The following SLC16A2 variants were observed in gnomAD, a reference collection of about 807,000 sequenced individuals.
SLC16A2 encodes the protein solute carrier family 16 member 2, also known as monocarboxylate transporter 8.
SLC16A2 carries 3 observed loss-of-function variants against 27.2 expected under a neutral mutation model. The ratio of observed to expected loss-of-function variants is 0.11; its 90% CI spans 0.05 to 0.28. The LOEUF (loss-of-function observed/expected upper bound fraction) is 0.28. SLC16A2 is among the 10% of genes least tolerant of loss of function. The pLI, the probability that SLC16A2 is intolerant of heterozygous loss-of-function variation, is 1.00. For missense variants in SLC16A2, 295 were observed against 458.5 expected (o/e 0.64, Z 3.26); for synonymous variants, 202 against 187.8 (o/e 1.08, Z -0.62).
intron 1 of SLC16A2, among the ~76,000 whole-genome samples, chrX:74,461,979 A>G (rs770120744): frequency 9.0e-6 from 1 of 111,074 alleles, no homozygotes; most frequent in Non-Finnish European, 1.9e-5. Flanking sequence ...ATTTCATTGG[A>G]GTGTCTCCTC....
intron 1 of SLC16A2, among the ~76,000 whole-genome samples, chrX:74,475,230 G>C (rs1173553712): frequency 9.1e-6 from 1 of 110,024 alleles, no homozygotes; most frequent in African/African-American, 3.3e-5. Context: ...CTGATGGCCA[G>C]TGATGATGAG....
At position 74,533,112 on chromosome X, in the gene SLC16A2, A is replaced by G. The variant is rs1930596262; in HGVS notation, c.*1559A>G. 1 of 111,919 alleles carries G rather than the reference A, an allele frequency of 8.9e-6. No homozygotes were observed. The highest frequency in any genetic ancestry group is 3.8e-4 in the South Asian group (1 of 2,637). 9.2% of individuals were successfully genotyped at this position (111,919 alleles called of 1,213,427 possible). On this transcript the variant is annotated 3_prime_UTR_variant, in exon 6 of 6. Transcript: ENST00000587091. Reference sequence around the variant, plus strand: ...CCCTTTCATCATCTTTTTGCCAGGCATTCCTGGCTGTCACTTGGAGCCAAC... The same window carrying G: ...CCCTTTCATCATCTTTTTGCCAGGCGTTCCTGGCTGTCACTTGGAGCCAAC...
chrX:74,495,456 G>T (rs1384172251), intron 1 of SLC16A2, among the ~76,000 whole-genome samples: 1 of 108,575 alleles, frequency 9.2e-6, no homozygotes, highest in Non-Finnish European at 1.9e-5. Flanking sequence ...AAAGATACTC[G>T]AGAAAATCAG....
At chrX:74,461,135 A>G (rs1213431415) in intron 1 of SLC16A2, among the ~76,000 whole-genome samples, 1 of 112,067 alleles carries the variant, frequency 8.9e-6, no homozygotes, top group Non-Finnish European at 1.9e-5. Context: ...CTTTAATCTA[A>G]CTATAGTATT....
intron 1 of SLC16A2, among the ~76,000 whole-genome samples, chrX:74,488,402 T>G (rs908819456): frequency 8.9e-6 from 1 of 111,909 alleles, no homozygotes; most frequent in African/African-American, 3.2e-5. Flanking sequence ...ATTGAACCTT[T>G]GAGATGTTTA....
rs1305314755 is a variant in SLC16A2, at chrX:74,497,740, C to T, written c.431-23250C>T. Among the ~76,000 whole-genome samples, 3 of 109,184 alleles carry T rather than the reference C, an allele frequency of 2.7e-5. No homozygotes were observed. The Admixed American group carries it at 3.0e-4, about 11-fold the overall frequency. 94.8% of individuals were successfully genotyped at this position (109,184 alleles called of 115,157 possible). A position where few individuals can be genotyped will look rare whatever the true frequency, so the allele number is the denominator to read the frequency against. On this transcript the variant is annotated intron_variant, in intron 1 of 5. Transcript: ENST00000587091. ...GGCCAAAATGTTTCCTTCTTCAAAC[C>T]AGTGCCCGTGATTTAGCTTTCATTG...
chrX:74,500,971 C>T (rs954452092), intron 1 of SLC16A2, among the ~76,000 whole-genome samples: 27 of 108,796 alleles, frequency 2.5e-4, no homozygotes, highest in African/African-American at 8.4e-4. Context: ...ATGTTTCCCC[C>T]CATTTATGTG....
intron 1 of SLC16A2, among the ~76,000 whole-genome samples, chrX:74,446,984 T>C (rs1928848705): frequency 8.9e-6 from 1 of 112,255 alleles, no homozygotes; most frequent in Non-Finnish European, 1.9e-5. Context: ...CCTCCAGCCA[T>C]GCCAGACAGA....
chrX:74,453,568 A>G (rs1420908642), intron 1 of SLC16A2, among the ~76,000 whole-genome samples: 1 of 110,749 alleles, frequency 9.0e-6, no homozygotes, highest in East Asian at 2.8e-4. Flanking sequence ...AAAAACTGTT[A>G]TTTTTTATTT....
At chrX:74,512,249 G>A (rs771620600) in intron 1 of SLC16A2, among the ~76,000 whole-genome samples, 14 of 112,247 alleles carry the variant, frequency 1.2e-4, no homozygotes, top group Non-Finnish European at 2.4e-4. Context: ...GAGGTGTGGT[G>A]ATGGGGCAGA....
intron 1 of SLC16A2, among the ~76,000 whole-genome samples, chrX:74,430,063 G>C (rs1468570668): frequency 8.9e-6 from 1 of 112,168 alleles, no homozygotes; most frequent in Non-Finnish European, 1.9e-5. Flanking sequence ...TATAATAATA[G>C]TGGTGGTAGT....
At chrX:74,494,183 T>C (rs775607300) in intron 1 of SLC16A2, among the ~76,000 whole-genome samples, 82 of 112,381 alleles carry the variant, frequency 7.3e-4, no homozygotes, top group African/African-American at 2.6e-3. Flanking sequence ...CATTTGCCAG[T>C]GTTATGTGTA....
At chrX:74,451,512 C>G (rs964429359) in intron 1 of SLC16A2, among the ~76,000 whole-genome samples, 3 of 112,445 alleles carry the variant, frequency 2.7e-5, no homozygotes, top group African/African-American at 9.7e-5. Context: ...AATGAATCCC[C>G]TGTGGTTACT....
chrX:74,516,502 C>A (rs774505304), intron 1 of SLC16A2, among the ~76,000 whole-genome samples: 1 of 111,012 alleles, frequency 9.0e-6, no homozygotes, highest in Non-Finnish European at 1.9e-5. Flanking sequence ...TAGGTTTCTA[C>A]ACTCCTCTCC....
intron 1 of SLC16A2, among the ~76,000 whole-genome samples, chrX:74,483,072 C>T (rs1275893922): frequency 1.8e-5 from 2 of 111,069 alleles, no homozygotes; most frequent in Non-Finnish European, 3.8e-5. Context: ...GCTTTGTCCT[C>T]TAAGTTCAAC....
At chrX:74,497,544 T>C (rs762800943) in intron 1 of SLC16A2, among the ~76,000 whole-genome samples, 3 of 108,804 alleles carry the variant, frequency 2.8e-5, no homozygotes, top group South Asian at 8.3e-4. Context: ...CCAAAGCTCA[T>C]GGTTAAAGCT....
intron 1 of SLC16A2, among the ~76,000 whole-genome samples, chrX:74,476,409 C>A (rs1241623292): frequency 1.8e-5 from 2 of 112,067 alleles, no homozygotes; most frequent in African/African-American, 3.2e-5. Context: ...GATACACAAT[C>A]ATGTCATCTG....
intron 1 of SLC16A2, among the ~76,000 whole-genome samples, chrX:74,510,707 A>G (rs1930214904): frequency 9.0e-6 from 1 of 111,466 alleles, no homozygotes; most frequent in African/African-American, 3.3e-5. Flanking sequence ...ATAACCTAAT[A>G]TGGAGGTAAT....
At position 74,531,394 on chromosome X, in the gene SLC16A2, C is replaced by T. The variant is rs1343505504; in HGVS notation, c.1461C>T (p.Pro487=). ...HVAFYFAGVP[P]IIGAVILFFV... ...CCTTCTACTTTGCCGGTGTGCCCCC[C>T]ATCATCGGGGCTGTAATCCTCTTCT... The change falls in exon 6 of 6, where the codon CCC becomes CCT. Residue 487 remains proline, a synonymous_variant. Transcript: ENST00000587091. The T allele has an allele frequency of 8.3e-7, 1 of 1,211,409 alleles. No homozygotes were observed. Among genetic ancestry groups the T allele is most frequent in the South Asian group, 1.8e-5 (1 of 56,996 alleles).
Sources: allele counts gnomAD v4.1 joint callset (sites outside exome capture counted in the v4.1 genomes callset), GRCh38; gene constraint gnomAD v4.1.1; transcripts MANE v1.5; gene names NCBI Gene and HGNC (gene_info 2026-07-23, HGNC 2026-07-21).